Variants in LRP5 observed in about 807,000 individuals in gnomAD.
LRP5 encodes the protein low-density lipoprotein receptor-related protein 5.
A neutral mutation model predicts 154.1 loss-of-function variants in LRP5; 62 were observed. That is an observed-to-expected ratio of 0.40 (90% confidence interval 0.33 to 0.50). The LOEUF is 0.50. Ranked by LOEUF, LRP5 falls within the 20% of genes least tolerant of loss-of-function variation. The pLI is 0.55. For synonymous variants in LRP5, 966 were observed against 1,011.5 expected, an observed-to-expected ratio of 0.96 and a Z score of 0.85; for missense variants, 1,915 against 2,336.7, an observed-to-expected ratio of 0.82 and a Z score of 3.72.
intron 1 of LRP5, among the ~76,000 whole-genome samples, chr11:68,342,214 C>G (rs1442749221): frequency 6.6e-6 from 1 of 152,090 alleles, no homozygotes; most frequent in Non-Finnish European, 1.5e-5. Flanking sequence ...GCTACGGAGC[C>G]GGCCCTTCCC....
At chr11:68,391,598 G>A (rs1202146096) in intron 7 of LRP5, among the ~76,000 whole-genome samples, 3 of 152,226 alleles carry the variant, frequency 2.0e-5, no homozygotes, top group African/African-American at 7.2e-5. Context: ...AGCACCTTCA[G>A]GGTGGGGAAC....
Position 68,327,225 on chromosome 11 carries a change from G to C in LRP5, c.91+14420G>C, listed in dbSNP as rs1337103980. ...CTTGCCCCTGAGAAGGGGCAGTGTG[G>C]GTGCTGGGCTGCAGCGAGCCCCTCT... is the stretch of plus-strand genomic sequence containing the variant. On this transcript the variant is annotated intron_variant, in intron 1 of 22. Transcript: ENST00000294304. Among the ~76,000 whole-genome samples, 4 of 152,232 alleles carry C rather than the reference G, an allele frequency of 2.6e-5. No individual in the cohort carries two copies. In the East Asian group the frequency reaches 5.8e-4, roughly 22 times the overall value.
chr11:68,341,135 G>T (rs981580104), intron 1 of LRP5, among the ~76,000 whole-genome samples: 1 of 140,994 alleles, frequency 7.1e-6, no homozygotes, highest in African/African-American at 2.7e-5. Flanking sequence ...CCTTCTTTCT[G>T]GTGTTTCTTG....
chr11:68,365,300 A>G (rs2098630344), intron 4 of LRP5, among the ~76,000 whole-genome samples: 1 of 152,044 alleles, frequency 6.6e-6, no homozygotes, highest in South Asian at 2.1e-4. Flanking sequence ...GGCAGGTCAC[A>G]TCTGGGTGTG....
chr11:68,398,225 A>G (rs2098650629), intron 7 of LRP5, among the ~76,000 whole-genome samples: 1 of 152,126 alleles, frequency 6.6e-6, no homozygotes, highest in African/African-American at 2.4e-5. Flanking sequence ...TCTTCATAAA[A>G]ACACTGCACA....
In LRP5 at chr11:68,426,064, C is replaced by T. The variant is rs1394958801; in HGVS notation, c.3514C>T (p.Arg1172Cys). 5.0e-6 allele frequency: 8 copies of T among 1,613,756 alleles called. No homozygotes were observed. The highest frequency in any genetic ancestry group is 2.2e-5 in the East Asian group (1 of 44,890). The change falls in exon 16 of 23, where the codon CGC (arginine) becomes TGC (cysteine). Residue 1172 changes from arginine to cysteine, a missense_variant. Arg to Cys is a radical substitution (Grantham distance 180, BLOSUM62 -3). Transcript: ENST00000294304. ...TGGCAAGCATCTCTACTGGATCGACCGCCAGCAGCAGATGATCGAGCGTGT... is the reference window on the plus strand; with the variant it reads ...TGGCAAGCATCTCTACTGGATCGACTGCCAGCAGCAGATGATCGAGCGTGT... ...ILGKHLYWID[R>C]QQQMIERVEK...
chr11:68,413,814 C>T lies in LRP5; in HGVS notation c.2629C>T (p.Arg877Trp), dbSNP rs200501120. ...TGAGCGGGCCGACAAGACTAGCGGC[C>T]GGAACCGCACCCTCATCCAGGGCCA... ...SIERADKTSG[R>W]NRTLIQGHLD... Residue 877 changes from arginine (R) to tryptophan (W), a missense_variant, in exon 12 of 23, where the codon CGG (arginine) becomes TGG (tryptophan). Physicochemically the swap from Arg to Trp is moderately radical, Grantham distance 101. Around this residue, in one of 3 missense-constraint regions of LRP5, gnomAD observed 1,094 missense variants for 1,210.1 expected, o/e 0.90. Transcript: ENST00000294304. The surrounding 1 kb of genome is among the most constrained non-coding windows in gnomAD (Gnocchi z 5.1). The T allele has an allele frequency of 2.5e-5, 40 of 1,613,680 alleles. No homozygotes were observed. The East Asian group carries it at 5.6e-4, about 22-fold the overall frequency.
chr11:68,414,972 C>G (rs575318294), intron 12 of LRP5, among the ~76,000 whole-genome samples: 1 of 152,212 alleles, frequency 6.6e-6, no homozygotes, highest in Non-Finnish European at 1.5e-5. Flanking sequence ...AGGTAACCCA[C>G]GGCAAGGAGG....
At chr11:68,443,544 CAT>C (rs1157048489) in intron 21 of LRP5, among the ~76,000 whole-genome samples, 61 of 22,324 alleles carry the variant, frequency 2.7e-3, no homozygotes, top group South Asian at 4.5e-3. Flanking sequence ...TCTTTTATGG[CAT>C]ATATATATAT....
At chr11:68,322,274 G>A (rs913181780) in intron 1 of LRP5, among the ~76,000 whole-genome samples, 3 of 152,128 alleles carry the variant, frequency 2.0e-5, no homozygotes, top group Non-Finnish European at 4.4e-5. Context: ...GGGCTCTGAG[G>A]CTTTACCTAC....
At chr11:68,409,069 A>ATATATAT (rs1420282770) in intron 9 of LRP5, among the ~76,000 whole-genome samples, 36 of 51,072 alleles carry the variant, frequency 7.0e-4, no homozygotes, top group African/African-American at 2.6e-3. Context: ...AAAAAAAAAA[A>ATATATAT]AAAAATATAT....
rs1264640967 is a variant in LRP5, at chr11:68,439,885, C to T, written c.4457C>T (p.Ser1486Leu). The part of the protein sequence containing the change: ...NHVTGASSSS[S>L]SSTKATLYPP... ...GTCACAGGGGCCTCGTCCAGCAGCT[C>T]GTCCAGCACGAAGGCCACGCTGTAC... The change falls in exon 21 of 23, where the codon TCG becomes TTG. Residue 1486 changes from serine (S) to leucine (L), a missense_variant. Ser to Leu is a moderately radical substitution (Grantham distance 145). Transcript: ENST00000294304. 1.0e-5 allele frequency: 16 copies of T among 1,562,428 alleles called. No individual in the cohort carries two copies. The highest frequency in any genetic ancestry group is 3.7e-5 in the Admixed American group (2 of 54,020).
chr11:68,364,832 A>G (rs2153140095), intron 4 of LRP5, among the ~76,000 whole-genome samples: 1 of 151,728 alleles, frequency 6.6e-6, no homozygotes, highest in Admixed American at 6.6e-5. Context: ...TCGTGGTCAC[A>G]AAACCCATCT....
intron 21 of LRP5, among the ~76,000 whole-genome samples, chr11:68,443,583 ATATTT>A (rs1156969322): frequency 6.0e-5 from 2 of 33,068 alleles, no homozygotes; most frequent in Non-Finnish European, 1.1e-4. Flanking sequence ...ATATATATAT[ATATTT>A]TTTTTTTTTT....
In LRP5 at chr11:68,435,016, C is replaced by T. The variant is rs575705551; in HGVS notation, c.4000+1178C>T. On this transcript the variant is annotated intron_variant, in intron 18 of 22. Transcript: ENST00000294304. Reference sequence around the variant, plus strand: ...TAAGGGCCCAGGGGCCAAATCCAGCCTGCCACCTACTTTTGTAAATAAAGT... The same window carrying T: ...TAAGGGCCCAGGGGCCAAATCCAGCTTGCCACCTACTTTTGTAAATAAAGT... 2.6e-5 allele frequency among the ~76,000 whole-genome samples: 4 copies of T among 152,352 alleles called. No homozygotes were observed. The South Asian group carries it at 8.3e-4, about 32-fold the overall frequency.
At chr11:68,411,742 CCA>C in intron 11 of LRP5, 122 bp downstream of exon 11, 1 of 1,066,802 alleles carries the variant, frequency 9.4e-7, no homozygotes, top group South Asian at 1.6e-5. Flanking sequence ...GGAGCTGTGG[CCA>C]CACCCACGAC....
chr11:68,300,957 G>C, the LRP5 span, among the ~76,000 whole-genome samples: 104 of 145,460 alleles, frequency 7.1e-4, 1 homozygote, highest in African/African-American at 2.6e-3. Context: ...AGAGAGTTTC[G>C]CTCTTGCTTT....
At chr11:68,305,740 G>A in the LRP5 span, among the ~76,000 whole-genome samples, 3 of 152,166 alleles carry the variant, frequency 2.0e-5, no homozygotes, top group South Asian at 4.1e-4. Context: ...ACCATGCCCG[G>A]CCTCAGGTAT....
rs1325284911 is a variant in LRP5 at position 68,423,704 on chromosome 11, G to A, written c.3236+7G>A. Reference sequence around the variant, plus strand: ...TCGTCAACGCGGAGCGAGGGTAGGAGGCCAACGGGTGGGTGGGGGTGCTGC... The same window carrying A: ...TCGTCAACGCGGAGCGAGGGTAGGAAGCCAACGGGTGGGTGGGGGTGCTGC... On this transcript the variant is annotated splice_region_variant and intron_variant, in intron 14 of 22. Transcript: ENST00000294304. This position sits in a 1 kb window ranked among gnomAD's most constrained non-coding sequence, Gnocchi z 4.7. The A allele has an allele frequency of 6.2e-7, 1 of 1,605,160 alleles. No homozygotes were observed. Among genetic ancestry groups the A allele is most frequent in the African/African-American group, 1.3e-5 (1 of 74,640 alleles).
Sources: gnomAD v4.1 joint callset for allele counts (sites outside exome capture counted in the v4.1 genomes callset) on GRCh38, gnomAD v4.1.1 for gene constraint, gnomAD v4.1.1 regional missense constraint, Gnocchi (gnomAD v3.1) non-coding constraint, MANE v1.5 for transcripts, NCBI Gene and HGNC (gene_info 2026-07-23, HGNC 2026-07-21) for gene names.